SAXO1: variants seen among roughly 807,000 people sequenced by gnomAD.
SAXO1 encodes the protein stabilizer of axonemal microtubules 1, also known as 4930500O09Rik.
Under a neutral mutation model 17.5 loss-of-function variants are expected in SAXO1, and 21 were observed. The ratio of observed to expected loss-of-function variants is 1.20; its 90% CI spans 0.85 to 1.72. The LOEUF is 1.72. SAXO1 is among the 40% of genes most tolerant of loss of function. The pLI, the probability that SAXO1 is intolerant of heterozygous loss-of-function variation, is 0.00. For missense variants in SAXO1, 843 were observed against 596.0 expected (o/e 1.41, Z -4.32); for synonymous variants, 274 against 216.5 (o/e 1.27, Z -2.33).
At chr9:18,968,682 C>G (rs1832829038) in intron 1 of SAXO1, among the ~76,000 whole-genome samples, 1 of 151,948 alleles carries the variant, frequency 6.6e-6, no homozygotes, top group African/African-American at 2.4e-5. Flanking sequence ...CAACCTCCGC[C>G]TCTCAGGTTC....
At chr9:18,992,852 T>A (rs1833864175) in intron 1 of SAXO1, among the ~76,000 whole-genome samples, 1 of 151,964 alleles carries the variant, frequency 6.6e-6, no homozygotes, top group African/African-American at 2.4e-5. Flanking sequence ...CACCGCAACC[T>A]CCACCTCCCA....
intron 2 of SAXO1, among the ~76,000 whole-genome samples, chr9:18,943,788 G>T (rs909420411): frequency 5.9e-5 from 9 of 152,190 alleles, no homozygotes; most frequent in African/African-American, 2.2e-4. Context: ...AACAAAGCTG[G>T]GCGCCTGAGC....
intron 2 of SAXO1, among the ~76,000 whole-genome samples, 192 bp from the exon 3 acceptor site, chr9:18,942,031 C>T (rs770443774): frequency 3.4e-5 from 4 of 116,560 alleles, no homozygotes; most frequent in African/African-American, 5.6e-5. Flanking sequence ...TCTCACCCAA[C>T]TCAGACACCT....
At chr9:18,935,177 G>A (rs574622506) in intron 3 of SAXO1, among the ~76,000 whole-genome samples, 25 of 152,274 alleles carry the variant, frequency 1.6e-4, no homozygotes, top group African/African-American at 5.8e-4. Flanking sequence ...GCCTCGCAAA[G>A]TGCTAGGATT....
At chr9:19,003,251 A>C (rs148210217) in intron 1 of SAXO1, among the ~76,000 whole-genome samples, 312 of 152,330 alleles carry the variant, frequency 2.0e-3, no homozygotes, top group African/African-American at 7.3e-3. Flanking sequence ...AGAGGACACA[A>C]ACAAACGGAA....
In SAXO1 at chr9:19,017,835, T is replaced by C. The variant is rs578238171; in HGVS notation, c.38+15036A>G. 9.6e-4 allele frequency among the ~76,000 whole-genome samples: 146 copies of C among 152,314 alleles called. 1 individual carries two copies. The highest frequency in any genetic ancestry group is 3.2e-3 in the African/African-American group (131 of 41,556). On this transcript the variant is annotated intron_variant, in intron 1 of 3. Coordinates refer to ENST00000380534, the MANE Select transcript of SAXO1 (RefSeq NM_153707.4). ...ACAAAAACCTTAAATCCACATGTGA[T>C]GATTTCAGGCATGCACACAAGTGAA... is the stretch of plus-strand genomic sequence containing the variant.
chr9:18,971,994 C>T (rs1832961060), intron 1 of SAXO1, among the ~76,000 whole-genome samples: 3 of 152,218 alleles, frequency 2.0e-5, no homozygotes, highest in African/African-American at 7.2e-5. Context: ...AAGAAGATTT[C>T]TAGTATAAAG....
intron 1 of SAXO1, among the ~76,000 whole-genome samples, chr9:18,970,729 C>T (rs1490004643): frequency 6.6e-6 from 1 of 152,212 alleles, no homozygotes; most frequent in Non-Finnish European, 1.5e-5. Flanking sequence ...GAGAATGTCC[C>T]AGTGTCCCAG....
chr9:18,968,559 A>G (rs911833877), intron 1 of SAXO1, among the ~76,000 whole-genome samples: 15 of 151,806 alleles, frequency 9.9e-5, no homozygotes, highest in African/African-American at 3.6e-4. Context: ...TTGATGCGAT[A>G]GATAGTGGCA....
chr9:18,938,594 C>T (rs183276285), intron 3 of SAXO1, among the ~76,000 whole-genome samples: 103 of 152,176 alleles, frequency 6.8e-4, no homozygotes, highest in Non-Finnish European at 8.8e-5. Context: ...CCAGGCCCCA[C>T]CTCCAACACT....
chr9:18,947,521 C>A (rs116639503), intron 2 of SAXO1, among the ~76,000 whole-genome samples: 3 of 152,184 alleles, frequency 2.0e-5, no homozygotes, highest in African/African-American at 7.2e-5. Context: ...TTAGGATAAA[C>A]GTCTAACACC....
In SAXO1 at chr9:19,028,293, T is replaced by C. The variant is rs530246608; in HGVS notation, c.38+4578A>G. ...CGGGAGGCTGAGGCAGGAGAATCGC[T>C]TGAGCCCGGGAGGCGGAGGTTGCAA... On this transcript the variant is annotated intron_variant, in intron 1 of 3. Transcript: ENST00000380534. 3.9e-5 allele frequency among the ~76,000 whole-genome samples: 6 copies of C among 152,252 alleles called. No individual in the cohort carries two copies. In the East Asian group the frequency reaches 9.7e-4, roughly 25 times the overall value.
At chr9:18,936,450 A>T (rs1055366452) in intron 3 of SAXO1, among the ~76,000 whole-genome samples, 11 of 152,212 alleles carry the variant, frequency 7.2e-5, no homozygotes, top group Admixed American at 7.2e-4. Flanking sequence ...GGGGGTGGGG[A>T]GGACAGGGCT....
intron 1 of SAXO1, among the ~76,000 whole-genome samples, chr9:18,999,738 G>C (rs1411828133): frequency 2.4e-5 from 3 of 125,426 alleles, no homozygotes; most frequent in South Asian, 5.3e-4. Flanking sequence ...CTGTCCCACT[G>C]TCTGGGAAGT....
intron 1 of SAXO1, among the ~76,000 whole-genome samples, chr9:18,993,197 C>T (rs1246034149): frequency 6.6e-6 from 1 of 151,720 alleles, no homozygotes; most frequent in Admixed American, 6.6e-5. Flanking sequence ...TGGTTTGTTG[C>T]ACCTATCAAC....
At chr9:18,930,412 A>G (rs1830989899) in intron 3 of SAXO1, among the ~76,000 whole-genome samples, 1 of 152,140 alleles carries the variant, frequency 6.6e-6, no homozygotes. Context: ...CACACAGACC[A>G]TCAGGGCCAG....
chr9:18,941,097 G>C (rs1831534550), intron 3 of SAXO1, among the ~76,000 whole-genome samples: 1 of 152,030 alleles, frequency 6.6e-6, no homozygotes, highest in South Asian at 2.1e-4. Context: ...GTTACATTTT[G>C]ATATATTTTT....
chr9:19,017,281 C>CT (rs1483245035), intron 1 of SAXO1, among the ~76,000 whole-genome samples: 3 of 152,196 alleles, frequency 2.0e-5, no homozygotes, highest in African/African-American at 7.2e-5. Flanking sequence ...CTATTGGGTA[C>CT]TCTGCTAACT....
intron 2 of SAXO1, among the ~76,000 whole-genome samples, chr9:18,946,977 T>C (rs1367793626): frequency 1.3e-5 from 2 of 152,034 alleles, no homozygotes; most frequent in Non-Finnish European, 2.9e-5. Context: ...GGAGAAAAGA[T>C]TGGGGAAAAG....
Sources: allele counts gnomAD v4.1 joint callset (sites outside exome capture counted in the v4.1 genomes callset), GRCh38; gene constraint gnomAD v4.1.1; transcripts MANE v1.5; gene names NCBI Gene and HGNC (gene_info 2026-07-23, HGNC 2026-07-21).